Variants in SHROOM3 observed in about 807,000 individuals in gnomAD.
SHROOM3 encodes protein Shroom3.
In SHROOM3, 47 loss-of-function variants were observed where a neutral mutation model predicts 138.6. That is an observed-to-expected ratio of 0.34 (90% CI 0.27 to 0.43). The LOEUF is 0.43. Among genes scored for constraint, SHROOM3 ranks in the 20% least tolerant of loss-of-function variants. The pLI is 1.00. For synonymous variants in SHROOM3, 1,062 were observed against 1,063.3 expected (o/e 1.00, Z 0.02); for missense variants, 2,491 against 2,596.5 (o/e 0.96, Z 0.88).
At chr4:76,698,169 T>G (rs542937305) in intron 2 of SHROOM3, among the ~76,000 whole-genome samples, 75 of 152,296 alleles carry the variant, frequency 4.9e-4, no homozygotes, top group African/African-American at 1.7e-3. Context: ...CATTTAGGTT[T>G]GATATTTGGA....
At chr4:76,602,526 A>G (rs759650609) in intron 2 of SHROOM3, among the ~76,000 whole-genome samples, 1 of 151,978 alleles carries the variant, frequency 6.6e-6, no homozygotes, top group Non-Finnish European at 1.5e-5. Context: ...AAGATTACCC[A>G]GTTCTGGGGC....
chr4:76,642,841 G>A (rs1314856936), intron 2 of SHROOM3, among the ~76,000 whole-genome samples: 1 of 152,026 alleles, frequency 6.6e-6, no homozygotes, highest in East Asian at 1.9e-4. Flanking sequence ...TTAGGATTCT[G>A]GAGTATTTGT....
chr4:76,673,447 TAA>T (rs1718943219), intron 2 of SHROOM3, among the ~76,000 whole-genome samples: 1 of 152,182 alleles, frequency 6.6e-6, no homozygotes, highest in African/African-American at 2.4e-5. Context: ...TCTGTTTCTG[TAA>T]AGTCTTATAT....
chr4:76,695,979 CTGTATT>C (rs1719713849), intron 2 of SHROOM3, among the ~76,000 whole-genome samples: 1 of 152,168 alleles, frequency 6.6e-6, no homozygotes, highest in Admixed American at 6.6e-5. Flanking sequence ...GCTTGCAGCC[CTGTATT>C]TGAAAGAGTG....
At chr4:76,608,673 T>TAGCACAGCAC (rs559667555) in intron 2 of SHROOM3, among the ~76,000 whole-genome samples, 13 of 108,100 alleles carry the variant, frequency 1.2e-4, no homozygotes, top group African/African-American at 4.5e-4. Flanking sequence ...TAGCACAGCA[T>TAGCACAGCAC]AGCACAGCAC....
intron 1 of SHROOM3, among the ~76,000 whole-genome samples, chr4:76,470,449 T>A (rs1052219593): frequency 1.1e-4 from 16 of 152,060 alleles, no homozygotes; most frequent in Non-Finnish European, 4.4e-5. Context: ...GATGACAAAA[T>A]AAGTACTAAG....
chr4:76,493,248 AT>A (rs1263151833), intron 1 of SHROOM3, among the ~76,000 whole-genome samples: 12 of 150,402 alleles, frequency 8.0e-5, no homozygotes, highest in Non-Finnish European at 1.8e-4. Context: ...AAAAAAAAAA[AT>A]GCCTAGTTAC....
intron 5 of SHROOM3, among the ~76,000 whole-genome samples, chr4:76,743,374 C>T (rs1008388565): frequency 2.0e-5 from 3 of 152,194 alleles, no homozygotes; most frequent in African/African-American, 7.2e-5. Flanking sequence ...TCAAAATTCT[C>T]ATTAGGGAGG....
At chr4:76,774,394 G>A (rs1393585073) in intron 10 of SHROOM3, among the ~76,000 whole-genome samples, 1 of 152,058 alleles carries the variant, frequency 6.6e-6, no homozygotes, top group Non-Finnish European at 1.5e-5. Flanking sequence ...GTAGAAATGA[G>A]AAAAGGAAGA....
intron 2 of SHROOM3, among the ~76,000 whole-genome samples, chr4:76,593,958 T>C (rs1201933620): frequency 1.3e-5 from 2 of 152,220 alleles, no homozygotes; most frequent in Non-Finnish European, 2.9e-5. Context: ...TTATGATCAG[T>C]GGGCAGAGTG....
chr4:76,753,291 T>G (rs1261185904), intron 6 of SHROOM3, among the ~76,000 whole-genome samples: 5 of 152,212 alleles, frequency 3.3e-5, no homozygotes. Context: ...AAGAGCTAAT[T>G]TGGTTCTTTG....
chr4:76,648,657 G>A (rs531163371), intron 2 of SHROOM3, among the ~76,000 whole-genome samples: 3 of 152,206 alleles, frequency 2.0e-5, no homozygotes, highest in East Asian at 1.9e-4. Flanking sequence ...ATCCAGATTC[G>A]GTTTTGTATC....
intron 1 of SHROOM3, among the ~76,000 whole-genome samples, chr4:76,534,004 GT>G (rs1296074590): frequency 7.9e-5 from 12 of 152,088 alleles, no homozygotes; most frequent in Admixed American, 7.9e-4. Context: ...TTCCACACCT[GT>G]AAAATTATTA....
At chr4:76,469,878 G>A (rs181725942) in intron 1 of SHROOM3, among the ~76,000 whole-genome samples, 19 of 152,236 alleles carry the variant, frequency 1.2e-4, no homozygotes, top group African/African-American at 4.6e-4. Flanking sequence ...CAGTTTTTAA[G>A]AGATAGAGCT....
At chr4:76,749,840 G>T (rs1367436015) in intron 6 of SHROOM3, among the ~76,000 whole-genome samples, 2 of 152,042 alleles carry the variant, frequency 1.3e-5, no homozygotes, top group East Asian at 3.9e-4. Context: ...TTCAGAAAGG[G>T]TATTCTCTGA....
chr4:76,647,741 C>T (rs991982841), intron 2 of SHROOM3, among the ~76,000 whole-genome samples: 34 of 151,834 alleles, frequency 2.2e-4, no homozygotes, highest in African/African-American at 8.2e-4. Flanking sequence ...CAGAAAAATA[C>T]AAAAATTAGC....
intron 2 of SHROOM3, among the ~76,000 whole-genome samples, chr4:76,673,117 C>A (rs565191670): frequency 6.6e-6 from 1 of 152,246 alleles, no homozygotes; most frequent in East Asian, 1.9e-4. Flanking sequence ...GCTTAGCCTC[C>A]CCACTGGATA....
At chr4:76,612,193 G>C (rs549105469) in intron 2 of SHROOM3, among the ~76,000 whole-genome samples, 1 of 152,106 alleles carries the variant, frequency 6.6e-6, no homozygotes, top group Non-Finnish European at 1.5e-5. Flanking sequence ...ACATCTAAAG[G>C]AAGGAGCAAA....
At chr4:76,651,551 GC>G (rs1317485619) in intron 2 of SHROOM3, among the ~76,000 whole-genome samples, 7 of 151,594 alleles carry the variant, frequency 4.6e-5, no homozygotes, top group African/African-American at 1.7e-4. Context: ...GAATCTCTGG[GC>G]TTGTCAAGTA....
Sources: gnomAD v4.1 joint callset for allele counts (sites outside exome capture counted in the v4.1 genomes callset) on GRCh38, gnomAD v4.1.1 for gene constraint, MANE v1.5 for transcripts, NCBI Gene and HGNC (gene_info 2026-07-23, HGNC 2026-07-21) for gene names.